The following ACTR3 variants were observed in gnomAD, a reference collection of about 807,000 sequenced individuals.
The protein encoded by ACTR3 is actin-related protein 3.
In ACTR3, 12 loss-of-function variants were observed where a neutral mutation model predicts 56.8. The observed-to-expected ratio is 0.21, with a 90% CI of 0.14 to 0.34. ACTR3 has a LOEUF of 0.34. Among genes scored for constraint, ACTR3 ranks in the 10% least tolerant of loss-of-function variants. The pLI, the probability that ACTR3 is intolerant of heterozygous loss-of-function variation, is 1.00. For synonymous variants in ACTR3, 162 were observed against 167.4 expected (o/e 0.97, Z 0.25); for missense variants, 282 against 512.5 (o/e 0.55, Z 4.34).
intron 6 of ACTR3, among the ~76,000 whole-genome samples, chr2:113,938,924 C>T (rs1254873146): frequency 6.6e-6 from 1 of 152,116 alleles, no homozygotes; most frequent in Non-Finnish European, 1.5e-5. Flanking sequence ...TCTCCCTAGG[C>T]AGTAGGATAG....
chr2:113,900,279 C>T (rs1679075978), intron 1 of ACTR3, among the ~76,000 whole-genome samples: 1 of 152,138 alleles, frequency 6.6e-6, no homozygotes, highest in Non-Finnish European at 1.5e-5. Context: ...CAGTAGCAGT[C>T]ACTCTCCGTT....
At chr2:113,916,788 TTACTTTGTAG>T (rs1378806610) in intron 2 of ACTR3, 86 bp from the exon 3 acceptor site, 44 of 1,038,550 alleles carry the variant, frequency 4.2e-5, no homozygotes, top group Admixed American at 1.8e-4. Context: ...AGGTCATGTT[TTACTTTGTAG>T]TACTTTGTAA....
chr2:113,961,839 T>C lies in ACTR3; in HGVS notation c.*4384T>C, dbSNP rs1016778523. On this transcript the variant is annotated 3_prime_UTR_variant, in exon 12 of 12. Transcript: ENST00000263238. ...TTGTTTAGAGGGAGAAGTCCAGCTA[T>C]GTAAGGTGAAAGTGGGGCTTATAAA... 2.0e-5 allele frequency: 3 copies of C among 151,984 alleles called. No homozygotes were observed. The highest frequency in any genetic ancestry group is 4.4e-5 in the Non-Finnish European group (3 of 67,880). The allele number at this position is 151,984 out of a possible 1,614,324, so 9.4% of individuals were successfully genotyped here.
At position 113,957,847 on chromosome 2, in the gene ACTR3, A is replaced by G. The variant is rs1006067658; in HGVS notation, c.*392A>G. On this transcript the variant is annotated 3_prime_UTR_variant, in exon 12 of 12. Transcript: ENST00000263238. ...AGCTTGTTTATATTTCATACTTTTTATACTTTGAGGAAAAAAAGTCAAAGA... is the reference window on the plus strand; with the variant it reads ...AGCTTGTTTATATTTCATACTTTTTGTACTTTGAGGAAAAAAAGTCAAAGA... The G allele has an allele frequency of 1.9e-5, 3 of 155,678 alleles. No homozygotes were observed. Among genetic ancestry groups the G allele is most frequent in the African/African-American group, 7.2e-5 (3 of 41,402 alleles). The allele number at this position is 155,678 out of a possible 1,614,324, so 9.6% of individuals were successfully genotyped here.
intron 8 of ACTR3, chr2:113,951,065 C>T: frequency 6.3e-6 from 1 of 158,774 alleles, no homozygotes; most frequent in Non-Finnish European, 1.4e-5. Context: ...TCACCAGGTC[C>T]CTCCCACAAC....
intron 1 of ACTR3, among the ~76,000 whole-genome samples, chr2:113,901,618 G>A (rs1189039849): frequency 2.0e-5 from 3 of 152,198 alleles, no homozygotes; most frequent in Non-Finnish European, 2.9e-5. Context: ...GTGGTTGTCA[G>A]TGTTAAGGTT....
rs1175770769 is a variant in ACTR3, at chr2:113,932,893, C to T, written c.433-1386C>T. Among the ~76,000 whole-genome samples, 7 of 152,092 alleles carry T rather than the reference C, an allele frequency of 4.6e-5. No homozygotes were observed. The South Asian group carries it at 1.0e-3, about 23-fold the overall frequency. On this transcript the variant is annotated intron_variant, in intron 5 of 11. Transcript: ENST00000263238. ...ATCTTGTGTTCAGATAGGAGGGTGA[C>T]CTAGATAGCTTTCTAGGTCCCTTTT...
At chr2:113,901,234 C>A (rs1679093455) in intron 1 of ACTR3, among the ~76,000 whole-genome samples, 1 of 152,182 alleles carries the variant, frequency 6.6e-6, no homozygotes, top group Non-Finnish European at 1.5e-5. Flanking sequence ...AGGAGAATTG[C>A]TTGAATCCAG....
intron 1 of ACTR3, among the ~76,000 whole-genome samples, chr2:113,912,907 T>G (rs1679334055): frequency 6.6e-6 from 1 of 150,992 alleles, no homozygotes; most frequent in Non-Finnish European, 1.5e-5. Context: ...GAAGCAAGAT[T>G]GTAGCTAATG....
chr2:113,920,246 CAG>C (rs1448338113), intron 3 of ACTR3, among the ~76,000 whole-genome samples: 2 of 152,096 alleles, frequency 1.3e-5, no homozygotes, highest in Non-Finnish European at 2.9e-5. Flanking sequence ...TTTATAGAGA[CAG>C]GGTCTCCTTC....
chr2:113,950,227 T>G (rs1001038818), intron 8 of ACTR3, among the ~76,000 whole-genome samples: 1 of 152,272 alleles, frequency 6.6e-6, no homozygotes, highest in Non-Finnish European at 1.5e-5. Flanking sequence ...AACACATGTC[T>G]GAACAAAGCT....
At chr2:113,915,029 T>TA (rs1215287045) in intron 2 of ACTR3, among the ~76,000 whole-genome samples, 1 of 152,248 alleles carries the variant, frequency 6.6e-6, no homozygotes, top group Non-Finnish European at 1.5e-5. Flanking sequence ...AATTCGGTGA[T>TA]ACATGTTGGC....
intron 1 of ACTR3, chr2:113,904,203 G>A (rs1011811100): frequency 6.6e-6 from 1 of 152,126 alleles, no homozygotes; most frequent in Non-Finnish European, 1.5e-5. Flanking sequence ...AGTCCCTGAA[G>A]CTCTTTCCTT....
intron 5 of ACTR3, among the ~76,000 whole-genome samples, chr2:113,933,386 G>A (rs1471554318): frequency 1.3e-5 from 2 of 152,022 alleles, no homozygotes; most frequent in Admixed American, 1.3e-4. Flanking sequence ...GTGGGCACCT[G>A]TAATCCCAGC....
rs71392597 is a variant in ACTR3 at position 113,957,867 on chromosome 2, C to CA, written c.*415dup. 0.073 allele frequency: 11,288 copies of CA among 153,890 alleles called. 466 individuals are homozygous for CA. Among genetic ancestry groups the CA allele is most frequent in the African/African-American group, 0.1 (4,306 of 41,464 alleles). 9.5% of individuals were successfully genotyped at this position (153,890 alleles called of 1,614,324 possible). On this transcript the variant is annotated 3_prime_UTR_variant, in exon 12 of 12. Transcript: ENST00000263238. ...TTTTTATACTTTGAGGAAAAAAAGTCAAAGAAAAATTGTATTTGAGGGAAA... is the reference window on the plus strand; with the variant it reads ...TTTTTATACTTTGAGGAAAAAAAGTCAAAAGAAAAATTGTATTTGAGGGAAA...
chr2:113,946,070 G>T (rs1680014300), intron 8 of ACTR3, among the ~76,000 whole-genome samples: 1 of 152,110 alleles, frequency 6.6e-6, no homozygotes, highest in African/African-American at 2.4e-5. Context: ...TTGATTCCAT[G>T]TCTTTATTTT....
chr2:113,959,168 CA>C lies in ACTR3; in HGVS notation c.*1714del, dbSNP rs1452873678. ...TTTTCCCTAGCCTGTCTCATTTTTC[CA>C]TCATTACACAGACTACTTGGAATGT... On this transcript the variant is annotated 3_prime_UTR_variant, in exon 12 of 12. Transcript: ENST00000263238. The C allele has an allele frequency of 6.6e-6, 1 of 151,934 alleles. No individual in the cohort carries two copies. Among genetic ancestry groups the C allele is most frequent in the Admixed American group, 6.6e-5 (1 of 15,252 alleles). The allele number at this position is 151,934 out of a possible 1,614,324, so 9.4% of individuals were successfully genotyped here. A position where few individuals can be genotyped will look rare whatever the true frequency, so the allele number is the denominator to read the frequency against.
At chr2:113,924,846 C>T (rs1489639850) in intron 3 of ACTR3, among the ~76,000 whole-genome samples, 3 of 151,970 alleles carry the variant, frequency 2.0e-5, no homozygotes, top group Non-Finnish European at 4.4e-5. Context: ...TCAGCGAAAC[C>T]TTTTCTCTCA....
intron 4 of ACTR3, among the ~76,000 whole-genome samples, chr2:113,930,545 T>G (rs1301299090): frequency 6.6e-6 from 1 of 152,196 alleles, no homozygotes; most frequent in African/African-American, 2.4e-5. Flanking sequence ...CCTATTAGAT[T>G]GCCAGTCAGA....
Sources: gnomAD v4.1 joint callset for allele counts (sites outside exome capture counted in the v4.1 genomes callset) on GRCh38, gnomAD v4.1.1 for gene constraint, MANE v1.5 for transcripts, NCBI Gene and HGNC (gene_info 2026-07-23, HGNC 2026-07-21) for gene names.